Variants in LRRC37A2 observed in about 807,000 individuals in gnomAD.
LRRC37A2 encodes the protein leucine rich repeat containing 37 member A2.
LRRC37A2 carries 9 observed loss-of-function variants against 68.8 expected under a neutral mutation model. The ratio of observed to expected loss-of-function variants is 0.13; its 90% CI spans 0.08 to 0.23. LRRC37A2 has a LOEUF of 0.23. LRRC37A2 is among the 10% of genes least tolerant of loss of function. The probability of loss-of-function intolerance (pLI) is 1.00; values close to 1 mark genes in which losing one functional copy is unlikely to be tolerated. For synonymous variants in LRRC37A2, 63 were observed against 367.6 expected (o/e 0.17, Z 9.48); for missense variants, 168 against 950.4 (o/e 0.18, Z 10.82).
At chr17:46,814,640 A>T in the LRRC37A2 span, among the ~76,000 whole-genome samples, 1 of 152,172 alleles carries the variant, frequency 6.6e-6, no homozygotes, top group African/African-American at 2.4e-5. Flanking sequence ...GCTCCTCACC[A>T]GCCCCAGCCA....
chr17:46,929,792 C>T, the LRRC37A2 span: 2 of 552,326 alleles, frequency 3.6e-6, no homozygotes, highest in Non-Finnish European at 6.5e-6. Context: ...TCCCCCATTA[C>T]CCCTCCACTC....
chr17:46,788,339 T>C, the LRRC37A2 span, among the ~76,000 whole-genome samples: 195 of 152,330 alleles, frequency 1.3e-3, 1 homozygote, highest in East Asian at 1.2e-3. Context: ...ATTTTACAGA[T>C]TGGGAAATGA....
At chr17:46,862,983 G>C in the LRRC37A2 span, among the ~76,000 whole-genome samples, 1 of 152,248 alleles carries the variant, frequency 6.6e-6, no homozygotes, top group African/African-American at 2.4e-5. Flanking sequence ...CAGGAACTGA[G>C]GTTCAGAGGG....
At chr17:47,022,857 C>T in the LRRC37A2 span, among the ~76,000 whole-genome samples, 1 of 152,248 alleles carries the variant, frequency 6.6e-6, no homozygotes, top group Non-Finnish European at 1.5e-5. Context: ...TTTCTTGTTA[C>T]ATGCATTGCT....
chr17:46,707,999 C>G, the LRRC37A2 span, among the ~76,000 whole-genome samples: 6 of 149,042 alleles, frequency 4.0e-5, no homozygotes, highest in Non-Finnish European at 5.9e-5. Flanking sequence ...TGCCACTGCA[C>G]GCCAGCCTGG....
At chr17:46,835,025 C>T in the LRRC37A2 span, among the ~76,000 whole-genome samples, 6 of 152,262 alleles carry the variant, frequency 3.9e-5, no homozygotes, top group East Asian at 1.9e-4. Context: ...GACAGGATCT[C>T]GCTCTGTTGT....
At chr17:46,746,693 T>C in the LRRC37A2 span, among the ~76,000 whole-genome samples, 2 of 152,226 alleles carry the variant, frequency 1.3e-5, no homozygotes, top group African/African-American at 2.4e-5. Context: ...AGGCAGTATA[T>C]GATTTAGGTC....
At chr17:46,876,436 T>A in the LRRC37A2 span, 3 of 1,613,732 alleles carry the variant, frequency 1.9e-6, no homozygotes, top group South Asian at 2.2e-5. Flanking sequence ...TGTGGGCCCC[T>A]GCCAGGCAGG....
At chr17:47,000,063 T>TAAAATAAAATAAAATAA in the LRRC37A2 span, among the ~76,000 whole-genome samples, 2 of 17,720 alleles carry the variant, frequency 1.1e-4, no homozygotes, top group Non-Finnish European at 3.2e-4. Context: ...TAAAATAAAA[T>TAAAATAAAATAAAATAA]TAAAATAAAA....
chr17:46,930,765 A>T, the LRRC37A2 span: 20 of 233,104 alleles, frequency 8.6e-5, no homozygotes, highest in Admixed American at 7.3e-4. Flanking sequence ...AAAGAGACCT[A>T]TATCAGAAAA....
the LRRC37A2 span, chr17:46,770,196 C>A: frequency 1.8e-6 from 2 of 1,134,944 alleles, no homozygotes; most frequent in African/African-American, 1.6e-5. Flanking sequence ...AGGCAGCTTC[C>A]CCACCCTCTT....
the LRRC37A2 span, among the ~76,000 whole-genome samples, chr17:46,837,737 G>T: frequency 6.6e-6 from 1 of 152,126 alleles, no homozygotes; most frequent in East Asian, 1.9e-4. Flanking sequence ...ATGGTCAGTG[G>T]GATTTAGTTT....
the LRRC37A2 span, among the ~76,000 whole-genome samples, chr17:47,039,990 C>A: frequency 6.6e-6 from 1 of 151,888 alleles, no homozygotes; most frequent in African/African-American, 2.4e-5. Context: ...TACTTTTCAA[C>A]TCTAGAATTT....
chr17:46,936,115 G>A, the LRRC37A2 span: 29 of 985,928 alleles, frequency 2.9e-5, no homozygotes, highest in African/African-American at 4.9e-4. Context: ...CAGTTGCAGT[G>A]TCTCAGATGG....
chr17:46,776,391 G>T, the LRRC37A2 span, among the ~76,000 whole-genome samples: 1 of 152,334 alleles, frequency 6.6e-6, no homozygotes, highest in Non-Finnish European at 1.5e-5. Context: ...TTTATTATGG[G>T]CCTATCATGT....
chr17:47,022,089 G>A, the LRRC37A2 span, among the ~76,000 whole-genome samples: 1 of 150,258 alleles, frequency 6.7e-6, no homozygotes, highest in African/African-American at 2.4e-5. Context: ...AAATTTGGTA[G>A]GCTCTCTTTA....
the LRRC37A2 span, among the ~76,000 whole-genome samples, chr17:46,901,425 G>C: frequency 6.6e-6 from 1 of 152,082 alleles, no homozygotes; most frequent in Non-Finnish European, 1.5e-5. Flanking sequence ...GCCTCCCAAA[G>C]TGCTGGGATT....
At chr17:46,949,698 C>T in the LRRC37A2 span, among the ~76,000 whole-genome samples, 2 of 152,234 alleles carry the variant, frequency 1.3e-5, no homozygotes, top group African/African-American at 4.8e-5. Context: ...GAAGTAGTAT[C>T]TACTTACCCT....
the LRRC37A2 span, chr17:46,710,865 A>T: frequency 9.5e-7 from 1 of 1,052,432 alleles, no homozygotes; most frequent in East Asian, 2.9e-5. Flanking sequence ...TGGGATAGTG[A>T]TCAATACCTT....
Sources: allele counts gnomAD v4.1 joint callset (sites outside exome capture counted in the v4.1 genomes callset), GRCh38; gene constraint gnomAD v4.1.1; transcripts MANE v1.5; gene names NCBI Gene and HGNC (gene_info 2026-07-23, HGNC 2026-07-21).